Variants in NT5C2 observed in about 807,000 individuals in gnomAD.
The protein encoded by NT5C2 is 5'-nucleotidase, cytosolic II.
NT5C2 carries 58 observed loss-of-function variants against 76.1 expected under a neutral mutation model. The observed-to-expected ratio is 0.76, with a 90% CI of 0.62 to 0.95. The LOEUF is 0.95. NT5C2 is among the 40% of genes least tolerant of loss of function. NT5C2 has a pLI of 0.00. For synonymous variants in NT5C2, 229 were observed against 237.4 expected (o/e 0.96, Z 0.32); for missense variants, 478 against 690.3 (o/e 0.69, Z 3.45).
intron 4 of NT5C2, among the ~76,000 whole-genome samples, chr10:103,114,188 G>T (rs895531956): frequency 6.6e-6 from 1 of 152,212 alleles, no homozygotes; most frequent in Non-Finnish European, 1.5e-5. Context: ...GCCAAGGTGG[G>T]CGGATCACGA....
chr10:103,156,375 T>C (rs2083380204), intron 3 of NT5C2, among the ~76,000 whole-genome samples: 1 of 152,202 alleles, frequency 6.6e-6, no homozygotes, highest in South Asian at 2.1e-4. Flanking sequence ...GACTATATTA[T>C]TCCTCACTTC....
chr10:103,183,907 T>C lies in NT5C2; in HGVS notation c.-168-2579A>G, dbSNP rs2091659256. On this transcript the variant is annotated intron_variant, in intron 1 of 18. Coordinates refer to ENST00000404739, the MANE Select transcript of NT5C2 (RefSeq NM_001351169.2). ...CATTTAAATTATCTTAAATGTTTCA[T>C]TACCTCTCATCTTTTAAATAGTTCA... is the stretch of plus-strand genomic sequence containing the variant. 2.6e-5 allele frequency among the ~76,000 whole-genome samples: 4 copies of C among 152,268 alleles called. No individual in the cohort carries two copies. In the Middle Eastern group the frequency reaches 0.01, roughly 388 times the overall value.
rs539950242 is a variant in NT5C2, at chr10:103,154,965, T to A, written c.102-15486A>T. ...TGTAATTACTATTTTAAGACTTTAC[T>A]ATTGGCAAAGAGAAAGGAAAACAAA... On this transcript the variant is annotated intron_variant, in intron 3 of 18. Transcript: ENST00000404739. Among the ~76,000 whole-genome samples, 5 of 152,344 alleles carry A rather than the reference T, an allele frequency of 3.3e-5. 1 individual carries two copies. The highest frequency in any genetic ancestry group is 1.2e-4 in the African/African-American group (5 of 41,578).
chr10:103,139,570 C>G (rs2079983258), intron 3 of NT5C2, 91 bp from the exon 4 acceptor site: 2 of 908,058 alleles, frequency 2.2e-6, no homozygotes, highest in Non-Finnish European at 3.3e-6. Context: ...TAGGTTTTCT[C>G]ATTTATTTTT....
At chr10:103,131,763 A>C (rs1222374200) in intron 4 of NT5C2, among the ~76,000 whole-genome samples, 1 of 152,072 alleles carries the variant, frequency 6.6e-6, no homozygotes, top group Non-Finnish European at 1.5e-5. Context: ...ACTACTAAAC[A>C]ATGAAAAAGT....
chr10:103,113,710 G>A (rs2073630039), intron 4 of NT5C2, among the ~76,000 whole-genome samples: 1 of 152,132 alleles, frequency 6.6e-6, no homozygotes, highest in African/African-American at 2.4e-5. Context: ...TAAGTTTTAG[G>A]AGATCAATAA....
At chr10:103,155,539 A>G (rs1189547436) in intron 3 of NT5C2, among the ~76,000 whole-genome samples, 1 of 152,206 alleles carries the variant, frequency 6.6e-6, no homozygotes, top group Non-Finnish European at 1.5e-5. Context: ...GGTCTCCAAC[A>G]GAAGAGGAAC....
At chr10:103,132,241 G>GAA (rs539460535) in intron 4 of NT5C2, among the ~76,000 whole-genome samples, 7 of 122,994 alleles carry the variant, frequency 5.7e-5, no homozygotes, top group Non-Finnish European at 1.0e-4. Context: ...ACTTCATCTC[G>GAA]AAAAAAAAAA....
intron 3 of NT5C2, among the ~76,000 whole-genome samples, chr10:103,166,066 C>G (rs994609547): frequency 7.9e-5 from 12 of 152,262 alleles, no homozygotes; most frequent in African/African-American, 2.7e-4. Flanking sequence ...TTCATGAACC[C>G]TTCACACAGT....
At chr10:103,116,676 C>G (rs1715399227) in intron 4 of NT5C2, among the ~76,000 whole-genome samples, 1 of 147,964 alleles carries the variant, frequency 6.8e-6, no homozygotes, top group African/African-American at 2.5e-5. Flanking sequence ...CTCAAGCAAT[C>G]CTCCTCCTCA....
chr10:103,164,206 C>T (rs1312768521), intron 3 of NT5C2, among the ~76,000 whole-genome samples: 3 of 152,112 alleles, frequency 2.0e-5, no homozygotes, highest in Non-Finnish European at 4.4e-5. Flanking sequence ...TATGATTGCG[C>T]CACTGCACTC....
At chr10:103,127,117 C>T (rs969736999) in intron 4 of NT5C2, among the ~76,000 whole-genome samples, 6 of 152,128 alleles carry the variant, frequency 3.9e-5, no homozygotes, top group African/African-American at 1.4e-4. Context: ...CCTTTAGCTG[C>T]TGTATTATTC....
intron 1 of NT5C2, among the ~76,000 whole-genome samples, chr10:103,184,116 C>A (rs1263236006): frequency 6.6e-6 from 1 of 151,996 alleles, no homozygotes; most frequent in Admixed American, 6.6e-5. Context: ...CCACGCCCGG[C>A]TAATTTTGTA....
At chr10:103,168,013 T>A (rs185443086) in intron 3 of NT5C2, among the ~76,000 whole-genome samples, 1 of 151,868 alleles carries the variant, frequency 6.6e-6, no homozygotes, top group Non-Finnish European at 1.5e-5. Context: ...TCCTTAAACA[T>A]GTACAAGAAA....
At chr10:103,143,779 G>A (rs2081005989) in intron 3 of NT5C2, among the ~76,000 whole-genome samples, 1 of 151,672 alleles carries the variant, frequency 6.6e-6, no homozygotes, top group Non-Finnish European at 1.5e-5. Context: ...AATATAGTGA[G>A]ACCCTATCTC....
intron 4 of NT5C2, among the ~76,000 whole-genome samples, chr10:103,108,838 GCTAA>G (rs964193039): frequency 5.9e-5 from 9 of 151,852 alleles, no homozygotes; most frequent in African/African-American, 1.2e-4. Context: ...GCTAACCCTG[GCTAA>G]CTTTTTTTTT....
At chr10:103,098,669 C>T (rs1319219992) in intron 10 of NT5C2, 6 of 391,160 alleles carry the variant, frequency 1.5e-5, no homozygotes, top group Non-Finnish European at 2.8e-5. Context: ...TGAAGCTAAG[C>T]GAACAAATGC....
intron 4 of NT5C2, among the ~76,000 whole-genome samples, chr10:103,118,171 G>A (rs1217511720): frequency 6.6e-6 from 1 of 152,066 alleles, no homozygotes; most frequent in Non-Finnish European, 1.5e-5. Context: ...AAAAAGTAAA[G>A]TATAAATCCT....
chr10:103,096,664 TA>T (rs1342209496), intron 11 of NT5C2, among the ~76,000 whole-genome samples: 2 of 151,816 alleles, frequency 1.3e-5, no homozygotes, highest in South Asian at 4.2e-4. Context: ...TCCAAGATGT[TA>T]AAACCTCGTC....
Sources: allele counts gnomAD v4.1 joint callset (sites outside exome capture counted in the v4.1 genomes callset), GRCh38; gene constraint gnomAD v4.1.1; transcripts MANE v1.5; gene names NCBI Gene and HGNC (gene_info 2026-07-23, HGNC 2026-07-21).